The following UBFD1 variants were observed in gnomAD, a reference collection of about 807,000 sequenced individuals.
The protein encoded by UBFD1 is ubiquitin family domain containing 1.
A neutral mutation model predicts 35.1 loss-of-function variants in UBFD1; 12 were observed. That is an observed-to-expected ratio of 0.34 (90% CI 0.22 to 0.55). The LOEUF is 0.55. Among genes scored for constraint, UBFD1 ranks in the 20% least tolerant of loss-of-function variants. The probability of loss-of-function intolerance (pLI) is 0.89; values close to 1 mark genes in which losing one functional copy is unlikely to be tolerated. For missense variants in UBFD1, 337 were observed against 410.8 expected (o/e 0.82, Z 1.55); for synonymous variants, 178 against 167.6 (o/e 1.06, Z -0.48).
chr16:23,560,768 T>C (rs1334931192), intron 3 of UBFD1, among the ~76,000 whole-genome samples: 1 of 152,184 alleles, frequency 6.6e-6, no homozygotes, highest in Non-Finnish European at 1.5e-5. Flanking sequence ...TTCAAAACTC[T>C]AGGGTTTCAG....
At chr16:23,563,731 C>T (rs1047757417) in intron 5 of UBFD1, among the ~76,000 whole-genome samples, 5 of 152,302 alleles carry the variant, frequency 3.3e-5, no homozygotes, top group African/African-American at 9.6e-5. Context: ...AATTTTGGTT[C>T]CAGCTTCTGG....
rs768069892 is a variant in UBFD1 at position 23,559,509 on chromosome 16, G to T, written c.397G>T (p.Val133Phe). 6.2e-7 allele frequency: 1 copy of T among 1,614,056 alleles called. No individual in the cohort carries two copies. The highest frequency in any genetic ancestry group is 8.5e-7 in the Non-Finnish European group (1 of 1,180,018). ...GCAGAAAGTCATGTATAAGGGACTC[G>T]TCCCCGAGGATAAAACATTGAGAGA... Reference protein sequence around the residue: ...AMQKVMYKGLVPEDKTLREIK... With the variant: ...AMQKVMYKGLFPEDKTLREIK... The change falls in exon 3 of 7, where the codon GTC becomes TTC. Residue 133 changes from valine (V) to phenylalanine (F), a missense_variant. By Grantham distance (50) the Val-to-Phe change is conservative. Transcript: ENST00000395878.
rs752289838 is a variant in UBFD1, at chr16:23,557,762, C to G, written c.20C>G (p.Pro7Arg). Residue 7 changes from proline to arginine, a missense_variant, in exon 1 of 7, where the codon CCG (proline) becomes CGG (arginine). Pro to Arg is a moderately radical substitution (Grantham distance 103, BLOSUM62 -2). Coordinates refer to ENST00000395878, the MANE Select transcript of UBFD1 (RefSeq NM_019116.3). ...ATCATCATGGCGGCGGCCGGGGCCC[C>G]GGATGGTGAGTGCGGCGGGGGTGGC... MAAAGAPDGMEEPGMDT... is the reference protein window; with the variant it reads MAAAGARDGMEEPGMDT... 2.3e-6 allele frequency: 3 copies of G among 1,298,526 alleles called. No homozygotes were observed. The highest frequency in any genetic ancestry group is 2.0e-6 in the Non-Finnish European group (2 of 1,022,998). The allele number at this position is 1,298,526 out of a possible 1,614,324, so 80.4% of individuals were successfully genotyped here. A position where few individuals can be genotyped will look rare whatever the true frequency, so the allele number is the denominator to read the frequency against.
chr16:23,559,188 A>T lies in UBFD1; in HGVS notation c.356-280A>T, dbSNP rs1443179243. The T allele has an allele frequency of 9.7e-6, 3 of 309,630 alleles. No individual in the cohort carries two copies. In the Admixed American group the frequency reaches 1.5e-4, roughly 15 times the overall value. The allele number at this position is 309,630 out of a possible 1,614,324, so 19.2% of individuals were successfully genotyped here. ...GAACAACTTGGAAAGAATGAGAGCT[A>T]GTACTTACTGAACAATTATTCAATG... On this transcript the variant is annotated intron_variant, in intron 2 of 6. Transcript: ENST00000395878.
intron 3 of UBFD1, among the ~76,000 whole-genome samples, chr16:23,560,859 C>T (rs921534365): frequency 1.2e-4 from 18 of 152,188 alleles, no homozygotes; most frequent in Non-Finnish European, 2.5e-4. Flanking sequence ...GTCTCAGTGT[C>T]TTGAAACCGA....
intron 3 of UBFD1, among the ~76,000 whole-genome samples, chr16:23,560,531 A>G (rs1965916654): frequency 6.6e-6 from 1 of 152,192 alleles, no homozygotes; most frequent in East Asian, 1.9e-4. Context: ...AACAGTAAGA[A>G]AAGGACACAG....
At chr16:23,568,554 C>T (rs1331751839) in intron 6 of UBFD1, 5 of 151,894 alleles carry the variant, frequency 3.3e-5, no homozygotes, top group African/African-American at 1.2e-4. Context: ...GGCGTGGTGG[C>T]TCATGCCTGT....
At chr16:23,558,380 C>A in intron 2 of UBFD1, 101 bp downstream of exon 2, 1 of 1,420,190 alleles carries the variant, frequency 7.0e-7, no homozygotes, top group East Asian at 2.8e-5. Flanking sequence ...TCAGGTCCCC[C>A]CATCCTTACA....
At position 23,559,505 on chromosome 16, in the gene UBFD1, A is replaced by C; in HGVS notation, c.393A>C (p.Gly131=). The change falls in exon 3 of 7, where the codon GGA becomes GGC. Residue 131 remains glycine, a synonymous_variant. Coordinates refer to ENST00000395878, the MANE Select transcript of UBFD1 (RefSeq NM_019116.3). ...CCATGCAGAAAGTCATGTATAAGGG[A>C]CTCGTCCCCGAGGATAAAACATTGA... The part of the protein sequence containing the change: ...PPAMQKVMYK[G]LVPEDKTLRE... 6.2e-7 allele frequency: 1 copy of C among 1,613,934 alleles called. No individual in the cohort carries two copies.
At chr16:23,565,764 T>C (rs1208154493) in intron 5 of UBFD1, 1 of 152,200 alleles carries the variant, frequency 6.6e-6, no homozygotes, top group Non-Finnish European at 1.5e-5. Flanking sequence ...CTTATCTATT[T>C]TTAGACTCTA....
At chr16:23,560,148 G>A (rs937722497) in intron 3 of UBFD1, among the ~76,000 whole-genome samples, 4 of 152,200 alleles carry the variant, frequency 2.6e-5, no homozygotes, top group East Asian at 1.9e-4. Flanking sequence ...ATGAAGCTGA[G>A]TAGGAAGACA....
chr16:23,560,227 G>A (rs1170068271), intron 3 of UBFD1, among the ~76,000 whole-genome samples: 5 of 152,012 alleles, frequency 3.3e-5, no homozygotes, highest in African/African-American at 4.8e-5. Flanking sequence ...GGTTTTTTAC[G>A]TTCTCTGTTC....
intron 1 of UBFD1, 46 bp from the exon 2 acceptor site, chr16:23,557,904 C>T (rs1965840518): frequency 2.3e-6 from 3 of 1,282,800 alleles, no homozygotes; most frequent in African/African-American, 1.5e-5. Context: ...GCGTCCGTTC[C>T]CAAGCCCAGC....
chr16:23,567,121 T>G, intron 6 of UBFD1, 52 bp downstream of exon 6: 1 of 1,550,428 alleles, frequency 6.4e-7, no homozygotes, highest in East Asian at 2.2e-5. Flanking sequence ...CCACTTCACC[T>G]GGCAGGGAAC....
chr16:23,560,200 C>T (rs1299313396), intron 3 of UBFD1, among the ~76,000 whole-genome samples: 1 of 152,100 alleles, frequency 6.6e-6, no homozygotes, highest in Non-Finnish European at 1.5e-5. Context: ...TTGTCCTGAT[C>T]TGTGAAATAG....
chr16:23,560,867 C>A (rs575144452), intron 3 of UBFD1, among the ~76,000 whole-genome samples: 2 of 152,118 alleles, frequency 1.3e-5, no homozygotes, highest in Non-Finnish European at 2.9e-5. Context: ...GTCTTGAAAC[C>A]GATTGAGTTT....
In UBFD1 at chr16:23,570,948, TAA is replaced by T. The variant is rs57903553; in HGVS notation, c.*370_*371del. On this transcript the variant is annotated 3_prime_UTR_variant, in exon 7 of 7. Transcript: ENST00000395878. ...GAATGATCAAAAGCTTTGTTTTTTT[TAA>T]AAAAAAAAAAAGCAGTTTCAATTGA... The T allele has an allele frequency of 1.0e-3, 142 of 138,690 alleles. 1 individual carries two copies. Among genetic ancestry groups the T allele is most frequent in the Non-Finnish European group, 1.6e-3 (99 of 62,782 alleles). 8.6% of individuals were successfully genotyped at this position (138,690 alleles called of 1,614,324 possible). A position where few individuals can be genotyped will look rare whatever the true frequency, so the allele number is the denominator to read the frequency against.
At chr16:23,568,499 G>A (rs1966041358) in intron 6 of UBFD1, among the ~76,000 whole-genome samples, 1 of 151,538 alleles carries the variant, frequency 6.6e-6, no homozygotes. Context: ...AGACAAATTG[G>A]TTTGGCCTGG....
intron 5 of UBFD1, 142 bp downstream of exon 5, chr16:23,562,872 CTT>C: frequency 1.4e-6 from 1 of 729,908 alleles, no homozygotes; most frequent in Non-Finnish European, 2.4e-6. Flanking sequence ...TTTAAATTTG[CTT>C]TTAGATGCTC....
Sources: gnomAD v4.1 joint callset for allele counts (sites outside exome capture counted in the v4.1 genomes callset) on GRCh38, gnomAD v4.1.1 for gene constraint, MANE v1.5 for transcripts, NCBI Gene and HGNC (gene_info 2026-07-23, HGNC 2026-07-21) for gene names.